Variants in CNIH3 observed in about 807,000 individuals in gnomAD.
CNIH3 encodes the protein protein cornichon homolog 3.
Under a neutral mutation model 24.1 loss-of-function variants are expected in CNIH3, and 14 were observed. The ratio of observed to expected loss-of-function variants is 0.58; its 90% CI spans 0.38 to 0.91. CNIH3 has a LOEUF of 0.91. Among genes scored for constraint, CNIH3 ranks in the 40% least tolerant of loss-of-function variants. CNIH3 has a pLI of 0.00. For missense variants in CNIH3, 178 were observed against 196.8 expected (o/e 0.90, Z 0.57); for synonymous variants, 68 against 73.8 (o/e 0.92, Z 0.40).
chr1:224,474,294 G>T (rs949690730), intron 1 of CNIH3, among the ~76,000 whole-genome samples: 3 of 151,830 alleles, frequency 2.0e-5, no homozygotes, highest in Non-Finnish European at 4.4e-5. Flanking sequence ...CACCCAGGAG[G>T]CAGAGGTTGC....
chr1:224,735,152 A>C (rs934272904), intron 5 of CNIH3, among the ~76,000 whole-genome samples: 3 of 151,814 alleles, frequency 2.0e-5, no homozygotes, highest in African/African-American at 7.3e-5. Flanking sequence ...CAAACTCCCC[A>C]CCCCAGCCCC....
intron 1 of CNIH3, among the ~76,000 whole-genome samples, chr1:224,673,628 T>G (rs976508468): frequency 6.6e-6 from 1 of 152,204 alleles, no homozygotes; most frequent in African/African-American, 2.4e-5. Context: ...CTATCAGCTG[T>G]TTTATTTTCT....
At chr1:224,511,777 T>C (rs1232683844), upstream of CNIH3, among the ~76,000 whole-genome samples, 1 of 152,026 alleles carries the variant, frequency 6.6e-6, no homozygotes, top group Non-Finnish European at 1.5e-5. Flanking sequence ...TCCTTTGAGT[T>C]TAGGAGGGCG....
At chr1:224,550,843 A>G (rs907777585) in intron 3 of CNIH3, among the ~76,000 whole-genome samples, 11 of 147,424 alleles carry the variant, frequency 7.5e-5, no homozygotes, top group African/African-American at 2.7e-4. Flanking sequence ...TCCTAATGCT[A>G]TCCCTCCCCC....
intron 4 of CNIH3, among the ~76,000 whole-genome samples, chr1:224,732,896 T>A (rs1001521546): frequency 8.5e-5 from 13 of 152,058 alleles, no homozygotes; most frequent in Non-Finnish European, 1.9e-4. Flanking sequence ...TTTGAATCCC[T>A]GACAGGATCT....
At chr1:224,474,304 C>T (rs1293051150) in intron 1 of CNIH3, among the ~76,000 whole-genome samples, 5 of 149,602 alleles carry the variant, frequency 3.3e-5, no homozygotes, top group African/African-American at 9.9e-5. Flanking sequence ...GCAGAGGTTG[C>T]GGTGAGCCGA....
chr1:224,681,432 G>A (rs894374310), intron 2 of CNIH3, among the ~76,000 whole-genome samples: 1 of 152,154 alleles, frequency 6.6e-6, no homozygotes, highest in Non-Finnish European at 1.5e-5. Flanking sequence ...AGACGTGGAG[G>A]GTGGGTTAAT....
chr1:224,627,228 CT>C (rs1269687431), intron 1 of CNIH3, among the ~76,000 whole-genome samples: 1 of 151,890 alleles, frequency 6.6e-6, no homozygotes, highest in Admixed American at 6.6e-5. Context: ...GGGTCTCATT[CT>C]TTTTTTTGTT....
rs566863012 is a variant in CNIH3, at chr1:224,703,719, A to C, written c.198+18876A>C. Among the ~76,000 whole-genome samples the C allele has an allele frequency of 7.7e-4, 117 of 152,188 alleles. 1 individual carries two copies. The highest frequency in any genetic ancestry group is 7.9e-4 in the Non-Finnish European group (54 of 68,042). On this transcript the variant is annotated intron_variant, in intron 3 of 5. Coordinates refer to ENST00000272133, the MANE Select transcript of CNIH3 (RefSeq NM_152495.2). The surrounding 1 kb of genome is among the most constrained non-coding windows in gnomAD (Gnocchi z 4.2). Reference sequence around the variant, plus strand: ...TTTGTTTCCTAAAAGATAGAAGTTCATCTTTTTTCATGAGGCAAAAATATT... The same window carrying C: ...TTTGTTTCCTAAAAGATAGAAGTTCCTCTTTTTTCATGAGGCAAAAATATT...
chr1:224,727,666 T>C (rs1689106342), intron 3 of CNIH3, among the ~76,000 whole-genome samples: 1 of 152,096 alleles, frequency 6.6e-6, no homozygotes, highest in Non-Finnish European at 1.5e-5. Flanking sequence ...CTGATTTCCA[T>C]TTGGTCTAGA....
At chr1:224,660,724 C>T (rs7551133) in intron 1 of CNIH3, among the ~76,000 whole-genome samples, 1 of 152,128 alleles carries the variant, frequency 6.6e-6, no homozygotes, top group Non-Finnish European at 1.5e-5. Context: ...TTACCATTAA[C>T]GCATTAATAT....
chr1:224,557,027 A>G (rs983103074), intron 3 of CNIH3, among the ~76,000 whole-genome samples: 3 of 152,088 alleles, frequency 2.0e-5, no homozygotes, highest in Non-Finnish European at 4.4e-5. Context: ...GAGAGAGGGA[A>G]GCACTCTGCA....
chr1:224,567,652 G>T (rs1341679726), intron 4 of CNIH3, among the ~76,000 whole-genome samples: 2 of 152,196 alleles, frequency 1.3e-5, no homozygotes, highest in African/African-American at 2.4e-5. Flanking sequence ...GTGTGTGATT[G>T]TGCAGGCATC....
chr1:224,613,945 C>A (rs1269123171), upstream of CNIH3, among the ~76,000 whole-genome samples: 3 of 151,156 alleles, frequency 2.0e-5, no homozygotes, highest in African/African-American at 7.3e-5. Flanking sequence ...GTGGTATGAA[C>A]ACAGCTCACT....
chr1:224,680,055 C>T (rs1168082537), intron 1 of CNIH3, among the ~76,000 whole-genome samples: 4 of 152,112 alleles, frequency 2.6e-5, no homozygotes, highest in South Asian at 2.1e-4. Context: ...GTGATCCAAC[C>T]GCCTCGGCCT....
chr1:224,661,458 T>A (rs1163305218), intron 1 of CNIH3: 2 of 255,470 alleles, frequency 7.8e-6, no homozygotes, highest in Non-Finnish European at 1.6e-5. Flanking sequence ...AGAAATCTAC[T>A]GAATGCTGAG....
chr1:224,591,457 G>A (rs998726429), downstream of CNIH3, among the ~76,000 whole-genome samples: 14 of 152,140 alleles, frequency 9.2e-5, no homozygotes, highest in Admixed American at 6.5e-5. Context: ...AGAAGAGCTT[G>A]GTCTTACTGA....
chr1:224,543,632 T>A (rs544125507), intron 2 of CNIH3, among the ~76,000 whole-genome samples: 19 of 152,334 alleles, frequency 1.2e-4, no homozygotes, highest in South Asian at 1.2e-3. Flanking sequence ...CACTTCCAAA[T>A]GGTTTTTATT....
intron 3 of CNIH3, among the ~76,000 whole-genome samples, chr1:224,600,576 C>T (rs1410119664): frequency 1.2e-4 from 18 of 152,190 alleles, no homozygotes; most frequent in Admixed American, 1.2e-3. Flanking sequence ...CAGGCACAAT[C>T]ATAGTGCACT....
Sources: allele counts gnomAD v4.1 joint callset (sites outside exome capture counted in the v4.1 genomes callset), GRCh38; gene constraint gnomAD v4.1.1; non-coding constraint Gnocchi (gnomAD v3.1); transcripts MANE v1.5; gene names NCBI Gene and HGNC (gene_info 2026-07-23, HGNC 2026-07-21).